The following RMDN2 variants were observed in gnomAD, a reference collection of about 807,000 sequenced individuals.
RMDN2 encodes regulator of microtubule dynamics 2.
Under a neutral mutation model 52.8 loss-of-function variants are expected in RMDN2, and 61 were observed. The observed-to-expected ratio is 1.16, with a 90% CI of 0.94 to 1.43. The LOEUF (loss-of-function observed/expected upper bound fraction) is 1.43, where lower values mean the gene tolerates loss of function less well. Ranked by LOEUF, RMDN2 falls within the 40% of genes most tolerant of loss-of-function variation. RMDN2 has a pLI of 0.00. For synonymous variants in RMDN2, 180 were observed against 153.1 expected, an observed-to-expected ratio of 1.18 and a Z score of -1.30; for missense variants, 592 against 475.3, an observed-to-expected ratio of 1.25 and a Z score of -2.28.
At chr2:37,921,142 A>G (rs893998856), upstream of RMDN2, among the ~76,000 whole-genome samples, 1 of 152,242 alleles carries the variant, frequency 6.6e-6, no homozygotes, top group African/African-American at 2.4e-5. Flanking sequence ...TTTCATACAT[A>G]TCTTCCTAAA....
rs142976546 is a variant in RMDN2 at position 37,935,264 on chromosome 2, G to A, written c.452+5535G>A. Among the ~76,000 whole-genome samples, 1,033 of 152,302 alleles carry A rather than the reference G, an allele frequency of 6.8e-3. 6 individuals carry two copies. Among genetic ancestry groups the A allele is most frequent in the African/African-American group, 0.024 (977 of 41,562 alleles). ...TAATAGAGAATGATGATGAAAGTAA[G>A]ACCACAGACAGATACAGATTTTTGA... is the stretch of plus-strand genomic sequence containing the variant. On this transcript the variant is annotated intron_variant, in intron 2 of 10. Coordinates refer to ENST00000354545, the MANE Select transcript of RMDN2 (RefSeq NM_001170791.3).
In RMDN2 at chr2:37,929,363, A is replaced by G; in HGVS notation, c.86A>G (p.Lys29Arg). Residue 29 changes from lysine (K) to arginine (R), a missense_variant, in exon 2 of 11, where the codon AAG becomes AGG. Transcript: ENST00000354545. ...GISLLLLWYH[K>R]VRKPGIAMKL... ...AGCTTGCTGCTCTTGTGGTACCACAAGGTCCGTAAACCAGGGATAGCAATG... is the reference window on the plus strand; with the variant it reads ...AGCTTGCTGCTCTTGTGGTACCACAGGGTCCGTAAACCAGGGATAGCAATG... 1 of 1,551,938 alleles carries G rather than the reference A, an allele frequency of 6.4e-7. No homozygotes were observed. The highest frequency in any genetic ancestry group is 8.7e-7 in the Non-Finnish European group (1 of 1,146,924).
At chr2:37,950,737 G>A (rs1056713184) in intron 2 of RMDN2, 4 of 815,854 alleles carry the variant, frequency 4.9e-6, no homozygotes. Flanking sequence ...ATTCTCCCCA[G>A]AGAGATTGTG....
chr2:37,977,045 G>A (rs1672565333), intron 4 of RMDN2, among the ~76,000 whole-genome samples: 2 of 152,086 alleles, frequency 1.3e-5, no homozygotes, highest in Admixed American at 1.3e-4. Flanking sequence ...GAGTGGTGAT[G>A]ACTCTGAACG....
intron 10 of RMDN2, among the ~76,000 whole-genome samples, chr2:38,037,759 C>T (rs527762973): frequency 1.4e-4 from 22 of 152,222 alleles, no homozygotes; most frequent in Non-Finnish European, 2.9e-4. Context: ...CTACAAACTG[C>T]TTATAAAGGA....
At chr2:38,018,089 CA>C (rs1679045351), downstream of RMDN2, among the ~76,000 whole-genome samples, 1 of 152,188 alleles carries the variant, frequency 6.6e-6, no homozygotes, top group African/African-American at 2.4e-5. Flanking sequence ...AGGCAGGGAC[CA>C]GCCATTTTCA....
chr2:38,007,912 T>C (rs1306296955), intron 10 of RMDN2, among the ~76,000 whole-genome samples: 2 of 152,220 alleles, frequency 1.3e-5, no homozygotes, highest in Non-Finnish European at 2.9e-5. Context: ...TGTATCTTTG[T>C]TCTCGTTGGT....
intron 4 of RMDN2, among the ~76,000 whole-genome samples, chr2:37,977,733 G>A (rs1450298367): frequency 6.6e-6 from 1 of 151,378 alleles, no homozygotes; most frequent in Admixed American, 6.6e-5. Context: ...GGGCGGCGGG[G>A]CAGAGGCGCT....
chr2:37,934,976 C>G lies in RMDN2; in HGVS notation c.452+5247C>G, dbSNP rs549355946. Among the ~76,000 whole-genome samples, 16 of 152,264 alleles carry G rather than the reference C, an allele frequency of 1.1e-4. No individual in the cohort carries two copies. In the East Asian group the frequency reaches 2.9e-3, roughly 28 times the overall value. On this transcript the variant is annotated intron_variant, in intron 2 of 10. Coordinates refer to ENST00000354545, the MANE Select transcript of RMDN2 (RefSeq NM_001170791.3). ...GAAAGTAACAAATTCATTATTCTTTCATTTCACTGTGGGCTTTAGGAAGAA... is the reference window on the plus strand; with the variant it reads ...GAAAGTAACAAATTCATTATTCTTTGATTTCACTGTGGGCTTTAGGAAGAA...
At chr2:38,031,090 A>AC (rs1403718268) in intron 10 of RMDN2, among the ~76,000 whole-genome samples, 1 of 152,154 alleles carries the variant, frequency 6.6e-6, no homozygotes, top group East Asian at 1.9e-4. Context: ...TTGGAAAGGA[A>AC]AACAGTAATT....
intron 10 of RMDN2, among the ~76,000 whole-genome samples, chr2:38,060,016 G>C (rs952756823): frequency 7.9e-5 from 12 of 152,098 alleles, no homozygotes; most frequent in African/African-American, 2.4e-4. Flanking sequence ...TCCTGCCTCA[G>C]CCTCCCGAGT....
At chr2:37,970,656 C>T (rs540046766) in intron 2 of RMDN2, among the ~76,000 whole-genome samples, 4 of 152,022 alleles carry the variant, frequency 2.6e-5, no homozygotes, top group Admixed American at 6.6e-5. Context: ...TCTATGTGTG[C>T]ATGGGAGAGA....
At chr2:38,023,992 C>A (rs934045397) in intron 10 of RMDN2, among the ~76,000 whole-genome samples, 2 of 152,138 alleles carry the variant, frequency 1.3e-5, no homozygotes, top group Non-Finnish European at 2.9e-5. Context: ...TGCTTTCTGT[C>A]ATTATACATT....
chr2:37,993,276 T>C (rs1224059451), intron 7 of RMDN2, among the ~76,000 whole-genome samples: 1 of 152,098 alleles, frequency 6.6e-6, no homozygotes, highest in Non-Finnish European at 1.5e-5. Flanking sequence ...CTCTACTGCC[T>C]ATAAATTATA....
intron 10 of RMDN2, among the ~76,000 whole-genome samples, chr2:38,041,259 G>A (rs576427554): frequency 1.1e-3 from 174 of 152,132 alleles, no homozygotes; most frequent in Non-Finnish European, 2.1e-3. Context: ...TCTACTACCT[G>A]CCCTCCTCTC....
At chr2:38,058,409 G>A (rs1281731125) in intron 10 of RMDN2, among the ~76,000 whole-genome samples, 1 of 74,926 alleles carries the variant, frequency 1.3e-5, no homozygotes, top group African/African-American at 3.2e-5. Flanking sequence ...TTAATTCCCA[G>A]CCTTGGAAGG....
chr2:38,028,410 A>T (rs747029130), intron 10 of RMDN2, among the ~76,000 whole-genome samples: 15 of 152,190 alleles, frequency 9.9e-5, no homozygotes, highest in Non-Finnish European at 1.9e-4. Flanking sequence ...GTATGGCATT[A>T]ATTTTAATGT....
intron 8 of RMDN2, among the ~76,000 whole-genome samples, chr2:38,002,026 T>G (rs971481780): frequency 2.0e-5 from 3 of 152,184 alleles, no homozygotes; most frequent in Non-Finnish European, 2.9e-5. Flanking sequence ...TTAACCTACC[T>G]GGTCTTAAAG....
chr2:37,935,547 A>T (rs1272977428), intron 2 of RMDN2, among the ~76,000 whole-genome samples: 1 of 152,212 alleles, frequency 6.6e-6, no homozygotes, highest in African/African-American at 2.4e-5. Flanking sequence ...AAAAAATGAA[A>T]CATCACGTAT....
Sources: gnomAD v4.1 joint callset for allele counts (sites outside exome capture counted in the v4.1 genomes callset) on GRCh38, gnomAD v4.1.1 for gene constraint, MANE v1.5 for transcripts, NCBI Gene and HGNC (gene_info 2026-07-23, HGNC 2026-07-21) for gene names.